The following MYO16 variants were observed in gnomAD, a reference collection of about 807,000 sequenced individuals.
MYO16 encodes myosin XVI, also known as unconventional myosin-XVI.
MYO16 carries 94 observed loss-of-function variants against 205.3 expected under a neutral mutation model. The observed-to-expected ratio is 0.46, with a 90% CI of 0.39 to 0.54. MYO16 has a LOEUF of 0.54. MYO16 is among the 20% of genes least tolerant of loss of function. The pLI is 0.00. For missense variants in MYO16, 2,315 were observed against 2,387.5 expected, an observed-to-expected ratio of 0.97 and a Z score of 0.63; for synonymous variants, 988 against 954.0, an observed-to-expected ratio of 1.04 and a Z score of -0.66.
At chr13:108,659,415 C>G (rs1271160655) in intron 1 of MYO16, 1 of 417,836 alleles carries the variant, frequency 2.4e-6, no homozygotes, top group Admixed American at 2.8e-5. Flanking sequence ...AAGTTTAGTC[C>G]TACAGAGGTA....
At chr13:109,200,330 T>C (rs1281859665) in intron 34 of MYO16, among the ~76,000 whole-genome samples, 2 of 152,198 alleles carry the variant, frequency 1.3e-5, no homozygotes, top group Non-Finnish European at 2.9e-5. Flanking sequence ...TTTTACTCAA[T>C]AGCTATTAAT....
At chr13:108,532,867 T>C in the MYO16 span, among the ~76,000 whole-genome samples, 1 of 152,110 alleles carries the variant, frequency 6.6e-6, no homozygotes, top group Non-Finnish European at 1.5e-5. Context: ...TGTGAAGGAT[T>C]GCATGACAAT....
chr13:109,206,349 G>T (rs1015493663), intron 34 of MYO16, among the ~76,000 whole-genome samples: 3 of 151,794 alleles, frequency 2.0e-5, no homozygotes, highest in Non-Finnish European at 4.4e-5. Flanking sequence ...ATTCTTTCTT[G>T]TAGCCTCTGG....
chr13:108,617,164 C>T (rs1196170765), intron 1 of MYO16, among the ~76,000 whole-genome samples: 1 of 152,114 alleles, frequency 6.6e-6, no homozygotes, highest in Non-Finnish European at 1.5e-5. Flanking sequence ...CAGTGATTCT[C>T]AGACTTAGTG....
chr13:108,800,447 A>G (rs142445337), intron 6 of MYO16, among the ~76,000 whole-genome samples: 1 of 152,150 alleles, frequency 6.6e-6, no homozygotes. Flanking sequence ...TTTGTCTTTA[A>G]TTTCTGACCT....
At chr13:108,891,102 G>A (rs1302166387) in intron 14 of MYO16, among the ~76,000 whole-genome samples, 1 of 152,206 alleles carries the variant, frequency 6.6e-6, no homozygotes, top group African/African-American at 2.4e-5. Flanking sequence ...TGACCGTATA[G>A]GAGAAACATT....
chr13:109,135,269 T>C (rs1302374122), intron 31 of MYO16, among the ~76,000 whole-genome samples: 2 of 152,196 alleles, frequency 1.3e-5, no homozygotes, highest in Non-Finnish European at 2.9e-5. Flanking sequence ...GCATGTTGCT[T>C]ATGCCTTCAT....
intron 7 of MYO16, among the ~76,000 whole-genome samples, chr13:108,819,795 A>G (rs1773876199): frequency 1.3e-5 from 2 of 152,224 alleles, no homozygotes; most frequent in African/African-American, 4.8e-5. Flanking sequence ...TAGAGCAACA[A>G]TGCCAACAAG....
chr13:109,131,739 C>T (rs919507691), intron 31 of MYO16, among the ~76,000 whole-genome samples: 7 of 152,186 alleles, frequency 4.6e-5, no homozygotes, highest in African/African-American at 1.4e-4. Flanking sequence ...GATAGGGCCT[C>T]GTTTTCACTT....
chr13:108,768,593 C>G (rs1439765593), intron 4 of MYO16, among the ~76,000 whole-genome samples: 3 of 152,106 alleles, frequency 2.0e-5, no homozygotes, highest in Non-Finnish European at 4.4e-5. Flanking sequence ...TTTCCAAGAT[C>G]TTAATATGCT....
rs778094207 is a variant in MYO16 at position 109,173,887 on chromosome 13, CAAAAAAAAAAAAAAA to C, written c.5324-5642_5324-5628del. Among the ~76,000 whole-genome samples, 5 of 29,118 alleles carry C rather than the reference CAAAAAAAAAAAAAAA, an allele frequency of 1.7e-4. No homozygotes were observed. In the South Asian group the frequency reaches 6.0e-3, roughly 35 times the overall value. The allele number at this position is 29,118 out of a possible 152,430, so 19.1% of individuals were successfully genotyped here. On this transcript the variant is annotated intron_variant, in intron 33 of 34. Transcript: ENST00000457511. ...TGGGTGACAGAGCGAGACTCCATCT[CAAAAAAAAAAAAAAA>C]AAAAAAAAAAAAGAGTATCTCTGAA...
chr13:108,874,961 C>T (rs1407311370), intron 12 of MYO16, among the ~76,000 whole-genome samples: 3 of 152,080 alleles, frequency 2.0e-5, no homozygotes, highest in African/African-American at 4.8e-5. Flanking sequence ...GTGGCTGTCT[C>T]ATAAGCTGTG....
chr13:108,895,048 A>C (rs557163688), intron 14 of MYO16, among the ~76,000 whole-genome samples: 6 of 152,340 alleles, frequency 3.9e-5, no homozygotes, highest in Admixed American at 3.9e-4. Flanking sequence ...TAGCTTTCAG[A>C]GAGCAGACTG....
At chr13:108,635,141 T>A (rs978656603) in intron 1 of MYO16, among the ~76,000 whole-genome samples, 1 of 152,212 alleles carries the variant, frequency 6.6e-6, no homozygotes, top group Non-Finnish European at 1.5e-5. Flanking sequence ...TCAAATGGTA[T>A]GTGTAGTTTA....
At chr13:108,509,459 T>A in the MYO16 span, among the ~76,000 whole-genome samples, 1 of 152,218 alleles carries the variant, frequency 6.6e-6, no homozygotes, top group Admixed American at 6.5e-5. Context: ...AGGTTGACTG[T>A]CGGATTGTGT....
intron 34 of MYO16, among the ~76,000 whole-genome samples, chr13:109,185,781 G>A (rs1008128421): frequency 1.3e-4 from 20 of 152,086 alleles, no homozygotes; most frequent in Admixed American, 6.6e-5. Context: ...AAGTTTGCAC[G>A]TAGCCCTTCA....
the MYO16 span, among the ~76,000 whole-genome samples, chr13:108,497,443 C>T: frequency 2.0e-5 from 3 of 152,152 alleles, no homozygotes; most frequent in Non-Finnish European, 4.4e-5. Context: ...ATGAGGTTTA[C>T]ATTTGATGGA....
intron 13 of MYO16, among the ~76,000 whole-genome samples, chr13:108,883,840 G>T (rs1288374389): frequency 6.6e-6 from 1 of 152,064 alleles, no homozygotes; most frequent in Non-Finnish European, 1.5e-5. Flanking sequence ...GCCCAGGCTG[G>T]TCTCAAACTC....
chr13:108,810,448 T>C (rs1036482114), intron 7 of MYO16, among the ~76,000 whole-genome samples: 1 of 152,186 alleles, frequency 6.6e-6, no homozygotes, highest in Admixed American at 6.5e-5. Flanking sequence ...TACTCTTCTT[T>C]TACTCAGACT....
Sources: gnomAD v4.1 joint callset for allele counts (sites outside exome capture counted in the v4.1 genomes callset) on GRCh38, gnomAD v4.1.1 for gene constraint, MANE v1.5 for transcripts, NCBI Gene and HGNC (gene_info 2026-07-23, HGNC 2026-07-21) for gene names.